The following TKT variants were observed in gnomAD, a reference collection of about 807,000 sequenced individuals.
TKT encodes transketolase, also known as epididymis luminal protein 107.
TKT carries 47 observed loss-of-function variants against 63.9 expected under a neutral mutation model. That is an observed-to-expected ratio of 0.74 (90% CI 0.58 to 0.94). The LOEUF (loss-of-function observed/expected upper bound fraction) is 0.94, where lower values mean the gene tolerates loss of function less well. Among genes scored for constraint, TKT ranks in the 40% least tolerant of loss-of-function variants. The probability of loss-of-function intolerance (pLI) is 0.00; values close to 1 mark genes in which losing one functional copy is unlikely to be tolerated. For synonymous variants in TKT, 338 were observed against 334.1 expected (o/e 1.01, Z -0.13); for missense variants, 721 against 846.2 (o/e 0.85, Z 1.84).
chr3:53,241,675 G>C (rs1705283393), intron 2 of TKT, among the ~76,000 whole-genome samples: 1 of 152,190 alleles, frequency 6.6e-6, no homozygotes, highest in South Asian at 2.1e-4. Context: ...AGAAGGGGGG[G>C]GTCAGGGGGT....
At chr3:53,246,498 G>A (rs950958564) in intron 1 of TKT, among the ~76,000 whole-genome samples, 8 of 152,184 alleles carry the variant, frequency 5.3e-5, no homozygotes, top group Non-Finnish European at 1.2e-4. Context: ...GCACAGTGCA[G>A]AAGGATCTGT....
chr3:53,243,407 G>A (rs1386445240), intron 1 of TKT, among the ~76,000 whole-genome samples: 2 of 151,960 alleles, frequency 1.3e-5, no homozygotes, highest in Non-Finnish European at 2.9e-5. Flanking sequence ...CAAGCCCAAG[G>A]GCACATGCAC....
Position 53,225,507 on chromosome 3 carries a change from G to C in TKT, c.*249C>G. The C allele has an allele frequency of 2.7e-6, 1 of 375,718 alleles. No individual in the cohort carries two copies. Among genetic ancestry groups the C allele is most frequent in the South Asian group, 7.2e-5 (1 of 13,982 alleles). 23.3% of individuals were successfully genotyped at this position (375,718 alleles called of 1,614,324 possible). A position where few individuals can be genotyped will look rare whatever the true frequency, so the allele number is the denominator to read the frequency against. ...GTTCTGGAGGTTGAGGGCAGTTGCA[G>C]GTGATTCCAAGGGGACTTGGGACAC... is the stretch of plus-strand genomic sequence containing the variant. On this transcript the variant is annotated 3_prime_UTR_variant, in exon 14 of 14. Transcript: ENST00000462138.
At chr3:53,227,111 A>G in intron 12 of TKT, 1 of 516,022 alleles carries the variant, frequency 1.9e-6, no homozygotes. Context: ...AGTATCCAAG[A>G]ACCCAGAGCG....
chr3:53,246,293 A>C (rs560601489), intron 1 of TKT, among the ~76,000 whole-genome samples: 68 of 152,194 alleles, frequency 4.5e-4, no homozygotes, highest in South Asian at 1.7e-3. Flanking sequence ...ACAACAACAA[A>C]AAAAAGGAAA....
chr3:53,255,787 G>GC, intron 1 of TKT, 49 bp downstream of exon 1: 1 of 1,256,462 alleles, frequency 8.0e-7, no homozygotes, highest in South Asian at 2.2e-5. Flanking sequence ...CGCCGCAGAC[G>GC]CCCCCCGCCC....
At chr3:53,228,387 TACA>T (rs1159258966) in intron 10 of TKT, 28 bp from the exon 11 acceptor site, 1 of 1,612,194 alleles carries the variant, frequency 6.2e-7, no homozygotes, top group African/African-American at 1.3e-5. Context: ...AAACTGAGGA[TACA>T]GGATGTGGCA....
Position 53,224,878 on chromosome 3 carries a change from A to C in TKT, c.*878T>G, listed in dbSNP as rs1704440016. ...CACTAGTTTGTTCTTGGCCAGTATA[A>C]GGTTTTGCACAGTTGACCTTATAAG... On this transcript the variant is annotated 3_prime_UTR_variant, in exon 14 of 14. Coordinates refer to ENST00000462138, the MANE Select transcript of TKT (RefSeq NM_001064.4). 1 of 152,320 alleles carries C rather than the reference A, an allele frequency of 6.6e-6. No homozygotes were observed. The highest frequency in any genetic ancestry group is 1.5e-5 in the Non-Finnish European group (1 of 68,128). The allele number at this position is 152,320 out of a possible 1,614,324, so 9.4% of individuals were successfully genotyped here.
intron 13 of TKT, 52 bp from the exon 14 acceptor site, chr3:53,225,983 G>GT (rs1553675403): frequency 1.9e-6 from 3 of 1,550,072 alleles, no homozygotes; most frequent in African/African-American, 2.7e-5. Context: ...GTGAGCAGTG[G>GT]TGGGCCCAGC....
chr3:53,236,667 C>T (rs1705045873), intron 4 of TKT, among the ~76,000 whole-genome samples: 1 of 152,212 alleles, frequency 6.6e-6, no homozygotes, highest in South Asian at 2.1e-4. Context: ...CCAGGGAAGG[C>T]AACTGGCTGC....
chr3:53,234,654 T>A (rs1704927937), intron 5 of TKT: 1 of 212,444 alleles, frequency 4.7e-6, no homozygotes, highest in African/African-American at 2.3e-5. Flanking sequence ...ATCCTTTAGC[T>A]TTACCGAGCA....
At position 53,226,879 on chromosome 3, in the gene TKT, C is replaced by A; in HGVS notation, c.1574-1G>T. On this transcript the variant is annotated splice_acceptor_variant, in intron 12 of 13. Coordinates refer to ENST00000462138, the MANE Select transcript of TKT (RefSeq NM_001064.4). LOFTEE classifies it high-confidence loss of function. ...TCCAGCACGCGGATGTTGATCTTTT[C>A]TGTGAGGGAGAGCACACGGCGTGGC... is the stretch of plus-strand genomic sequence containing the variant. 1 of 1,605,132 alleles carries A rather than the reference C, an allele frequency of 6.2e-7. No homozygotes were observed. Among genetic ancestry groups the A allele is most frequent in the African/African-American group, 1.3e-5 (1 of 74,890 alleles).
At position 53,255,971 on chromosome 3, in the gene TKT, C is replaced by G. The variant is rs782014228; in HGVS notation, c.-29G>C. On this transcript the variant is annotated 5_prime_UTR_variant, in exon 1 of 14. Transcript: ENST00000462138. ...GCGGCAGGCGGGGACCGGGCGCACACGCGGACACACAGAGATAGCGGCTGC... is the reference window on the plus strand; with the variant it reads ...GCGGCAGGCGGGGACCGGGCGCACAGGCGGACACACAGAGATAGCGGCTGC... 8.2e-6 allele frequency: 12 copies of G among 1,461,968 alleles called. No homozygotes were observed. In the South Asian group the frequency reaches 1.4e-4, roughly 18 times the overall value. 90.6% of individuals were successfully genotyped at this position (1,461,968 alleles called of 1,614,324 possible).
chr3:53,240,423 C>A, intron 3 of TKT, 75 bp from the exon 4 acceptor site: 1 of 1,386,986 alleles, frequency 7.2e-7, no homozygotes. Context: ...GAGCCACACT[C>A]CCACCCAGCC....
intron 1 of TKT, among the ~76,000 whole-genome samples, chr3:53,250,362 G>A (rs1273027813): frequency 2.8e-4 from 43 of 152,182 alleles, no homozygotes; most frequent in Admixed American, 2.8e-3. Context: ...GCCACTTTAA[G>A]GGCACAAAGA....
Position 53,241,146 on chromosome 3 carries a change from C to T in TKT, c.325G>A (p.Gly109Arg). ...NLRKISSDLD[G>R]HPVPKQAFTD... ...GGAGCACTTACCGGGACCGGGTGCC[C>T]GTCCAAGTCGGAGCTGATCTTCCTC... Residue 109 changes from glycine (G) to arginine (R), a missense_variant, in exon 3 of 14, where the codon GGG becomes AGG. Coordinates refer to ENST00000462138, the MANE Select transcript of TKT (RefSeq NM_001064.4). 1.9e-6 allele frequency: 3 copies of T among 1,561,388 alleles called. No homozygotes were observed. Among genetic ancestry groups the T allele is most frequent in the Non-Finnish European group, 2.6e-6 (3 of 1,161,784 alleles).
Position 53,227,257 on chromosome 3 carries a change from C to T in TKT, c.1574-379G>A, listed in dbSNP as rs182217717. On this transcript the variant is annotated intron_variant, in intron 12 of 13. Transcript: ENST00000462138. The stretch of plus-strand genomic sequence containing the variant: ...GTGGTGACGTTGGGGAGCTGCAGCC[C>T]GCAGAGTGATCAGAGGCCCACGTGC... The T allele has an allele frequency of 4.4e-3, 789 of 179,014 alleles. 3 individuals are homozygous for T. The highest frequency in any genetic ancestry group is 6.7e-3 in the Non-Finnish European group (563 of 84,042). 11.1% of individuals were successfully genotyped at this position (179,014 alleles called of 1,614,324 possible).
At chr3:53,228,721 G>T (rs1180945133) in intron 10 of TKT, 8 of 531,704 alleles carry the variant, frequency 1.5e-5, no homozygotes, top group Non-Finnish European at 2.7e-5. Context: ...CTGTCTTGGA[G>T]AACCCAACTC....
intron 6 of TKT, chr3:53,232,025 T>C (rs1247668999): frequency 3.5e-6 from 1 of 285,884 alleles, no homozygotes; most frequent in East Asian, 6.0e-5. Flanking sequence ...ACCCAATGCA[T>C]CTGTGAGCAG....
Sources: allele counts gnomAD v4.1 joint callset (sites outside exome capture counted in the v4.1 genomes callset), GRCh38; gene constraint gnomAD v4.1.1; transcripts MANE v1.5; gene names NCBI Gene and HGNC (gene_info 2026-07-23, HGNC 2026-07-21).